TENM4: variants seen among roughly 807,000 people sequenced by gnomAD.
TENM4 encodes teneurin-4.
Under a neutral mutation model 243.3 loss-of-function variants are expected in TENM4, and 82 were observed. The ratio of observed to expected loss-of-function variants is 0.34; its 90% CI spans 0.28 to 0.40. The LOEUF (loss-of-function observed/expected upper bound fraction) is 0.40. TENM4 is among the 10% of genes least tolerant of loss of function. The pLI is 1.00. For synonymous variants in TENM4, 1,412 were observed against 1,456.3 expected, an observed-to-expected ratio of 0.97 and a Z score of 0.69; for missense variants, 3,138 against 3,673.3, an observed-to-expected ratio of 0.85 and a Z score of 3.77.
At chr11:78,694,857 A>G (rs1036581062) in intron 28 of TENM4, among the ~76,000 whole-genome samples, 1 of 152,134 alleles carries the variant, frequency 6.6e-6, no homozygotes, top group East Asian at 1.9e-4. Context: ...AATCTCTAAC[A>G]GTGGCTGCGT....
At chr11:79,134,464 A>G (rs138126849) in intron 4 of TENM4, among the ~76,000 whole-genome samples, 3,967 of 152,272 alleles carry the variant, frequency 0.026, 77 homozygotes, top group Admixed American at 0.06. Context: ...TCAAAATACT[A>G]CCATCATTCT....
intron 6 of TENM4, among the ~76,000 whole-genome samples, chr11:78,905,254 T>C (rs1426636497): frequency 6.6e-6 from 1 of 152,246 alleles, no homozygotes; most frequent in African/African-American, 2.4e-5. Flanking sequence ...GGGAGAAGGC[T>C]TTTTGGAAAT....
intron 2 of TENM4, among the ~76,000 whole-genome samples, chr11:79,238,804 C>T (rs1864531058): frequency 6.6e-6 from 1 of 152,130 alleles, no homozygotes; most frequent in Non-Finnish European, 1.5e-5. Context: ...GTGGGTGGAT[C>T]ACCATAGGTC....
At chr11:78,919,143 A>G (rs1018370278) in intron 6 of TENM4, among the ~76,000 whole-genome samples, 2 of 152,216 alleles carry the variant, frequency 1.3e-5, no homozygotes, top group Admixed American at 6.5e-5. Flanking sequence ...CCTAATGTCT[A>G]TGGTTACTGA....
chr11:78,779,390 A>G (rs1350282922), intron 16 of TENM4, among the ~76,000 whole-genome samples: 1 of 152,220 alleles, frequency 6.6e-6, no homozygotes, highest in Admixed American at 6.5e-5. Flanking sequence ...AACCCTAAAG[A>G]AAGATGTGTG....
intron 6 of TENM4, among the ~76,000 whole-genome samples, chr11:78,921,809 C>T (rs1372552970): frequency 6.6e-6 from 1 of 152,216 alleles, no homozygotes; most frequent in East Asian, 1.9e-4. Flanking sequence ...TCCCTTGGGG[C>T]CCTCAAACCC....
Position 78,732,356 on chromosome 11 carries a change from C to T in TENM4, c.3098G>A (p.Ser1033Asn), listed in dbSNP as rs759983457. ...AATGGGGCCTTTCTCTGCACAGGAG[C>T]TGGCGAAGGACGTCAGTGGGGATGG... Reference protein sequence around the residue: ...VSPSPLTSFASSCAEKGPIVP... With the variant: ...VSPSPLTSFANSCAEKGPIVP... The change falls in exon 21 of 34, where the codon AGC becomes AAC. Residue 1033 changes from serine to asparagine, a missense_variant. This residue lies in a region of TENM4 where 2,467 missense variants were observed against 3,059.1 expected (regional missense o/e 0.81). Coordinates refer to ENST00000278550, the MANE Select transcript of TENM4 (RefSeq NM_001098816.3). 3 of 1,613,170 alleles carry T rather than the reference C, an allele frequency of 1.9e-6. No homozygotes were observed. Among genetic ancestry groups the T allele is most frequent in the African/African-American group, 2.7e-5 (2 of 74,916 alleles).
At chr11:78,974,201 C>A (rs928406898) in intron 6 of TENM4, among the ~76,000 whole-genome samples, 4 of 152,214 alleles carry the variant, frequency 2.6e-5, no homozygotes, top group Non-Finnish European at 5.9e-5. Context: ...GGTAATTCCA[C>A]ATATAGTGGG....
At chr11:78,811,662 G>A (rs1418265083) in intron 14 of TENM4, among the ~76,000 whole-genome samples, 3 of 151,982 alleles carry the variant, frequency 2.0e-5, no homozygotes, top group Non-Finnish European at 4.4e-5. Context: ...CTTCAGAAAT[G>A]GAGATTAAAA....
chr11:79,127,844 G>T (rs1266287326), intron 4 of TENM4, among the ~76,000 whole-genome samples: 1 of 152,232 alleles, frequency 6.6e-6, no homozygotes, highest in African/African-American at 2.4e-5. Flanking sequence ...TAGGAGTCCA[G>T]TGGTATGGGG....
At chr11:78,683,732 C>T (rs1052840440) in intron 29 of TENM4, among the ~76,000 whole-genome samples, 3 of 150,832 alleles carry the variant, frequency 2.0e-5, no homozygotes, top group Non-Finnish European at 3.0e-5. Context: ...AGAAATCACC[C>T]ATCTTCTGCG....
chr11:79,020,603 A>G (rs11237692), intron 6 of TENM4, among the ~76,000 whole-genome samples: 54,966 of 151,646 alleles, frequency 0.36, 12,441 homozygotes, highest in African/African-American at 0.64. Flanking sequence ...ATGTAAATGC[A>G]ATTTTTTTTT....
Position 78,978,317 on chromosome 11 carries a change from C to T in TENM4, c.494-74794G>A, listed in dbSNP as rs561934276. ...TGCATACCTATGTAACAAACCTGCA[C>T]GTTCTACACATGTACCCCAGAACTT... On this transcript the variant is annotated intron_variant, in intron 6 of 33. Coordinates refer to ENST00000278550, the MANE Select transcript of TENM4 (RefSeq NM_001098816.3). 2.4e-4 allele frequency among the ~76,000 whole-genome samples: 36 copies of T among 147,644 alleles called. 1 individual carries two copies. The highest frequency in any genetic ancestry group is 1.5e-3 in the South Asian group (7 of 4,636).
intron 6 of TENM4, among the ~76,000 whole-genome samples, chr11:79,018,005 G>A (rs1858822881): frequency 6.6e-6 from 1 of 152,202 alleles, no homozygotes. Context: ...GATGTAAGCT[G>A]GGGCTGGAAA....
At chr11:79,134,050 C>A (rs1184580546) in intron 4 of TENM4, among the ~76,000 whole-genome samples, 1 of 152,070 alleles carries the variant, frequency 6.6e-6, no homozygotes, top group South Asian at 2.1e-4. Flanking sequence ...AAAGAGAAAG[C>A]CAAACTGTCA....
chr11:79,418,708 C>A (rs966718480), intron 1 of TENM4, among the ~76,000 whole-genome samples: 3 of 152,236 alleles, frequency 2.0e-5, no homozygotes, highest in African/African-American at 7.2e-5. Context: ...TTCTGTGAGA[C>A]CCTGCCTGAC....
chr11:79,139,688 T>G lies in TENM4; in HGVS notation c.-66+9022A>C, dbSNP rs1279866463. Among the ~76,000 whole-genome samples the G allele has an allele frequency of 7.2e-4, 72 of 99,896 alleles. 4 individuals are homozygous for G. The East Asian group carries it at 0.018, about 25-fold the overall frequency. The allele number at this position is 99,896 out of a possible 152,430, so 65.5% of individuals were successfully genotyped here. On this transcript the variant is annotated intron_variant, in intron 4 of 33. Coordinates refer to ENST00000278550, the MANE Select transcript of TENM4 (RefSeq NM_001098816.3). ...AATATATATATTTTATATAAGTATA[T>G]AAAATATATATAATATTTATATAAG...
intron 1 of TENM4, among the ~76,000 whole-genome samples, chr11:79,314,136 G>C (rs889785674): frequency 1.3e-5 from 2 of 152,182 alleles, no homozygotes; most frequent in Non-Finnish European, 2.9e-5. Flanking sequence ...CTTTCAGAAT[G>C]TGTGGCCTTG....
intron 4 of TENM4, among the ~76,000 whole-genome samples, chr11:79,122,884 C>T (rs997139565): frequency 1.3e-5 from 2 of 152,184 alleles, no homozygotes; most frequent in African/African-American, 4.8e-5. Flanking sequence ...CAACTGCTTG[C>T]AGTAAATTAA....
Sources: allele counts gnomAD v4.1 joint callset (sites outside exome capture counted in the v4.1 genomes callset), GRCh38; gene constraint gnomAD v4.1.1; regional missense constraint gnomAD v4.1.1; transcripts MANE v1.5; gene names NCBI Gene and HGNC (gene_info 2026-07-23, HGNC 2026-07-21).